Variants in TSN observed in about 807,000 individuals in gnomAD.
The protein encoded by TSN is translin, also known as component 3 of promoter of RISC.
Under a neutral mutation model 29.4 loss-of-function variants are expected in TSN, and 5 were observed. The ratio of observed to expected loss-of-function variants is 0.17; its 90% confidence interval spans 0.09 to 0.36. The LOEUF (loss-of-function observed/expected upper bound fraction) is 0.36. TSN is among the 10% of genes least tolerant of loss of function. The pLI, the probability that TSN is intolerant of heterozygous loss-of-function variation, is 1.00. For synonymous variants in TSN, 106 were observed against 102.2 expected (o/e 1.04, Z -0.23); for missense variants, 159 against 272.8 (o/e 0.58, Z 2.94).
At chr2:121,763,164 A>ATG in intron 5 of TSN, 80 bp downstream of exon 5, 1 of 861,294 alleles carries the variant, frequency 1.2e-6, no homozygotes, top group Non-Finnish European at 1.6e-6. Flanking sequence ...TTTTTTTGAG[A>ATG]CAGAGTCCCG....
chr2:121,761,377 C>G lies in TSN; in HGVS notation c.258-32C>G, dbSNP rs762125967. On this transcript the variant is annotated intron_variant, in intron 3 of 5. Coordinates refer to ENST00000389682, the MANE Select transcript of TSN (RefSeq NM_004622.3). ...ACCCATCTTTCTGAAGGTCCCTAAC[C>G]TTGGAGGCTAAATGTGCTTATTTTC... 23 of 1,545,742 alleles carry G rather than the reference C, an allele frequency of 1.5e-5. 1 individual carries two copies. The highest frequency in any genetic ancestry group is 3.4e-4 in the Middle Eastern group (2 of 5,960).
intron 1 of TSN, 98 bp downstream of exon 1, chr2:121,755,943 C>T (rs1014957822): frequency 4.3e-5 from 68 of 1,578,558 alleles, no homozygotes; most frequent in Non-Finnish European, 5.7e-5. Flanking sequence ...GCGGTGGGGA[C>T]GCCTCCGAGG....
intron 5 of TSN, among the ~76,000 whole-genome samples, chr2:121,763,837 C>G (rs776082766): frequency 3.3e-5 from 5 of 152,142 alleles, no homozygotes; most frequent in Non-Finnish European, 7.3e-5. Flanking sequence ...AGAGACTGTG[C>G]CAGTCTGCAG....
chr2:121,765,004 G>A (rs1011956300), intron 5 of TSN, 130 bp from the exon 6 acceptor site: 2 of 795,326 alleles, frequency 2.5e-6, no homozygotes, highest in Non-Finnish European at 4.2e-6. Flanking sequence ...GTCTGTACTT[G>A]TGTGTACCCT....
At position 121,758,784 on chromosome 2, in the gene TSN, T is replaced by G; in HGVS notation, c.235T>G (p.Phe79Val). 1 of 1,592,316 alleles carries G rather than the reference T, an allele frequency of 6.3e-7. No individual in the cohort carries two copies. Among genetic ancestry groups the G allele is most frequent in the Non-Finnish European group, 8.5e-7 (1 of 1,171,466 alleles). The change falls in exon 3 of 6, where the codon TTT becomes GTT. Residue 79 changes from phenylalanine to valine, a missense_variant. By Grantham distance (50) the Phe-to-Val change is conservative. Around this residue, in one of 3 missense-constraint regions of TSN, gnomAD observed 31 missense variants for 26.1 expected, o/e 1.19. Coordinates refer to ENST00000389682, the MANE Select transcript of TSN (RefSeq NM_004622.3). Reference protein sequence around the residue: ...KTHLTSLKTKFPAEQYYRFHE... With the variant: ...KTHLTSLKTKVPAEQYYRFHE... The stretch of plus-strand genomic sequence containing the variant: ...ACATCTAACATCTTTGAAGACCAAA[T>G]TTCCTGCTGAACAGTATTACAGGTT...
chr2:121,756,369 C>A (rs2074747870), intron 1 of TSN: 1 of 240,754 alleles, frequency 4.2e-6, no homozygotes, highest in South Asian at 4.1e-5. Flanking sequence ...GAATTTGCTT[C>A]TTTCCCGTTC....
Position 121,765,569 on chromosome 2 carries a change from G to T in TSN, c.*202G>T, listed in dbSNP as rs1032241191. 5.1e-6 allele frequency: 3 copies of T among 584,646 alleles called. No homozygotes were observed. The highest frequency in any genetic ancestry group is 1.9e-5 in the African/African-American group (1 of 53,654). The allele number at this position is 584,646 out of a possible 1,614,324, so 36.2% of individuals were successfully genotyped here. The stretch of plus-strand genomic sequence containing the variant: ...CCTTTACATGGACAGAATTTTTTTT[G>T]TTGTTTCAGTGAATATGCCTGTAAT... On this transcript the variant is annotated 3_prime_UTR_variant, in exon 6 of 6. Transcript: ENST00000389682.
rs774154560 is a variant in TSN at position 121,765,031 on chromosome 2, G to A, written c.454-103G>A. The A allele has an allele frequency of 2.5e-4, 246 of 992,902 alleles. 4 individuals carry two copies. The highest frequency in any genetic ancestry group is 2.0e-3 in the Middle Eastern group (8 of 3,994). 61.5% of individuals were successfully genotyped at this position (992,902 alleles called of 1,614,324 possible). A position where few individuals can be genotyped will look rare whatever the true frequency, so the allele number is the denominator to read the frequency against. On this transcript the variant is annotated intron_variant, in intron 5 of 5. Transcript: ENST00000389682. ...GTGTACCCTGAGATAGAAGATCAGC[G>A]TGGCTGTCTAGGCTTGCGGTTCTTC...
Position 121,757,230 on chromosome 2 carries a change from TTCTC to T in TSN, c.67-6_67-3del. ...TTGAGTATCTGATTTTTATTTTTAA[TTCTC>T]TCTAGGAAATCAGAAAAGTTGTACA... On this transcript the variant is annotated splice_polypyrimidine_tract_variant and splice_region_variant and intron_variant, in intron 1 of 5. Coordinates refer to ENST00000389682, the MANE Select transcript of TSN (RefSeq NM_004622.3). The T allele has an allele frequency of 6.2e-7, 1 of 1,611,958 alleles. No homozygotes were observed. The highest frequency in any genetic ancestry group is 1.1e-5 in the South Asian group (1 of 90,792).
Position 121,765,354 on chromosome 2 carries a change from G to C in TSN, c.674G>C (p.Cys225Ser), listed in dbSNP as rs1335620263. The C allele has an allele frequency of 6.2e-7, 1 of 1,614,152 alleles. No individual in the cohort carries two copies. The highest frequency in any genetic ancestry group is 1.1e-5 in the South Asian group (1 of 91,090). ...RGFNKETAAA[C>S]VEK ...TTTAATAAGGAGACGGCAGCAGCTT[G>C]TGTTGAAAAATAGGAGGCTCTCCTT... The change falls in exon 6 of 6, where the codon TGT (cysteine) becomes TCT (serine). Residue 225 changes from cysteine to serine, a missense_variant. Cys to Ser is a moderately radical substitution (Grantham distance 112, BLOSUM62 -1). Around this residue, in one of 3 missense-constraint regions of TSN, gnomAD observed 85 missense variants for 178.1 expected, o/e 0.48. Coordinates refer to ENST00000389682, the MANE Select transcript of TSN (RefSeq NM_004622.3).
In TSN at chr2:121,763,808, A is replaced by G. The variant is rs1054926953; in HGVS notation, c.453+724A>G. On this transcript the variant is annotated intron_variant, in intron 5 of 5. Coordinates refer to ENST00000389682, the MANE Select transcript of TSN (RefSeq NM_004622.3). ...AAAGAAAAAAAAAGCTGTCAGTAGC[A>G]AAATTGAGTAGTTGTGATAGAGACT... Among the ~76,000 whole-genome samples, 15 of 152,224 alleles carry G rather than the reference A, an allele frequency of 9.9e-5. 1 individual carries two copies. Among genetic ancestry groups the G allele is most frequent in the Admixed American group, 8.5e-4 (13 of 15,288 alleles).
At chr2:121,763,308 A>C (rs1323165680) in intron 5 of TSN, among the ~76,000 whole-genome samples, 2 of 151,986 alleles carry the variant, frequency 1.3e-5, no homozygotes, top group Middle Eastern at 3.4e-3. Flanking sequence ...ACACCCGGCT[A>C]ATTTTTTTTT....
At chr2:121,758,090 G>T (rs2074774540) in intron 2 of TSN, among the ~76,000 whole-genome samples, 1 of 152,024 alleles carries the variant, frequency 6.6e-6, no homozygotes, top group Non-Finnish European at 1.5e-5. Flanking sequence ...TTCAGTGATT[G>T]AATACCTTTT....
rs200374408 is a variant in TSN, at chr2:121,761,532, T to G, written c.373+8T>G. 6.3e-7 allele frequency: 1 copy of G among 1,594,836 alleles called. No individual in the cohort carries two copies. The highest frequency in any genetic ancestry group is 8.6e-7 in the Non-Finnish European group (1 of 1,162,436). On this transcript the variant is annotated splice_region_variant and intron_variant, in intron 4 of 5. Coordinates refer to ENST00000389682, the MANE Select transcript of TSN (RefSeq NM_004622.3). ...TTACAGAAATTCTTGGCAGTAAGTG[T>G]CTTTATTAGTGGGATCTGCAGAATC...
intron 3 of TSN, 36 bp from the exon 4 acceptor site, chr2:121,761,373 T>C (rs1418616177): frequency 6.6e-7 from 1 of 1,526,074 alleles, no homozygotes; most frequent in African/African-American, 1.4e-5. Flanking sequence ...TGAAGGTCCC[T>C]AACCTTGGAG....
In TSN at chr2:121,765,489, C is replaced by T; in HGVS notation, c.*122C>T. Reference sequence around the variant, plus strand: ...AAACACTGCGCTTTATTTTCTTAACCAGTTGTGGTGTGAGTATCAGAATTG... The same window carrying T: ...AAACACTGCGCTTTATTTTCTTAACTAGTTGTGGTGTGAGTATCAGAATTG... On this transcript the variant is annotated 3_prime_UTR_variant, in exon 6 of 6. Transcript: ENST00000389682. The T allele has an allele frequency of 1.1e-6, 1 of 893,330 alleles. No homozygotes were observed. Among genetic ancestry groups the T allele is most frequent in the South Asian group, 1.7e-5 (1 of 60,254 alleles). 55.3% of individuals were successfully genotyped at this position (893,330 alleles called of 1,614,324 possible).
chr2:121,763,016 C>G lies in TSN; in HGVS notation c.385C>G (p.Arg129Gly). The change falls in exon 5 of 6, where the codon CGG becomes GGG. Residue 129 changes from arginine (R) to glycine (G), a missense_variant. Physicochemically the swap from Arg to Gly is moderately radical, Grantham distance 125 (BLOSUM62 -2). This residue lies in a region of TSN where 85 missense variants were observed against 178.1 expected (regional missense o/e 0.48). Coordinates refer to ENST00000389682, the MANE Select transcript of TSN (RefSeq NM_004622.3). ...CATGTGTTTTTTAGTTGAGCCAGAT[C>G]GGGAGAAAGGATTTCATCTGGATGT... The part of the protein sequence containing the change: ...VTEILGIEPD[R>G]EKGFHLDVED... 1 of 1,607,084 alleles carries G rather than the reference C, an allele frequency of 6.2e-7. No individual in the cohort carries two copies. Among genetic ancestry groups the G allele is most frequent in the East Asian group, 2.2e-5 (1 of 44,510 alleles).
chr2:121,762,996 GT>G lies in TSN; in HGVS notation c.374-3del. On this transcript the variant is annotated splice_polypyrimidine_tract_variant and splice_region_variant and intron_variant, in intron 4 of 5. Transcript: ENST00000389682. ...TCACAGCATGACTTTATTTTCATGT[GT>G]TTTTTAGTTGAGCCAGATCGGGAGA... 2 of 1,602,096 alleles carry G rather than the reference GT, an allele frequency of 1.2e-6. No homozygotes were observed. The highest frequency in any genetic ancestry group is 8.5e-7 in the Non-Finnish European group (1 of 1,176,558).
Position 121,767,160 on chromosome 2 carries a change from C to T in TSN, c.*1793C>T, listed in dbSNP as rs975854195. 4 of 152,118 alleles carry T rather than the reference C, an allele frequency of 2.6e-5. No homozygotes were observed. The highest frequency in any genetic ancestry group is 9.7e-5 in the African/African-American group (4 of 41,432). 9.4% of individuals were successfully genotyped at this position (152,118 alleles called of 1,614,324 possible). The stretch of plus-strand genomic sequence containing the variant: ...TTGTGGATTTCAGTTTTAACAAATG[C>T]TATTAAAGTGGAGAAGCACACTCTG... On this transcript the variant is annotated 3_prime_UTR_variant, in exon 6 of 6. Transcript: ENST00000389682.
Sources: allele counts gnomAD v4.1 joint callset (sites outside exome capture counted in the v4.1 genomes callset), GRCh38; gene constraint gnomAD v4.1.1; regional missense constraint gnomAD v4.1.1; transcripts MANE v1.5; gene names NCBI Gene and HGNC (gene_info 2026-07-23, HGNC 2026-07-21).